Variants in SMU1 observed in about 807,000 individuals in gnomAD.
SMU1 encodes the protein WD40 repeat-containing protein SMU1.
A neutral mutation model predicts 62.0 loss-of-function variants in SMU1; 2 were observed. The observed-to-expected ratio is 0.03, with a 90% CI of 0.01 to 0.10. The LOEUF (loss-of-function observed/expected upper bound fraction) is 0.10, where lower values mean the gene tolerates loss of function less well. Among genes scored for constraint, SMU1 ranks in the 10% least tolerant of loss-of-function variants. The pLI is 1.00. For missense variants in SMU1, 227 were observed against 622.1 expected (o/e 0.36, Z 6.76); for synonymous variants, 188 against 212.4 (o/e 0.89, Z 1.00).
At chr9:33,049,166 A>T (rs1391061287) in intron 10 of SMU1, among the ~76,000 whole-genome samples, 1 of 152,196 alleles carries the variant, frequency 6.6e-6, no homozygotes, top group African/African-American at 2.4e-5. Flanking sequence ...TAGCGAACTC[A>T]ATGTTGAAAG....
rs368135233 is a variant in SMU1 at position 33,071,880 on chromosome 9, A to G, written c.250T>C (p.Leu84=). 1 of 1,564,856 alleles carries G rather than the reference A, an allele frequency of 6.4e-7. No homozygotes were observed. The highest frequency in any genetic ancestry group is 1.4e-5 in the African/African-American group (1 of 71,752). ...IDLYEQVVLE[L]IELRELGAAR... Reference sequence around the variant, plus strand: ...GCACCCAATTCACGGAGCTCTATCAATTCCAGAACAACCTGGACAATTAAA... The same window carrying G: ...GCACCCAATTCACGGAGCTCTATCAGTTCCAGAACAACCTGGACAATTAAA... Residue 84 remains leucine, a synonymous_variant, in exon 3 of 12, where the codon TTG becomes CTG. Transcript: ENST00000397149.
In SMU1 at chr9:33,064,284, C is replaced by T. The variant is rs111538236; in HGVS notation, c.502-2107G>A. On this transcript the variant is annotated intron_variant, in intron 4 of 11. Transcript: ENST00000397149. ...TATAGGTTTCTTTTCATCTTAAGTT[C>T]CGTTCTCGAGTGATGAAATCTGTTT... Among the ~76,000 whole-genome samples the T allele has an allele frequency of 3.2e-3, 487 of 152,192 alleles. 8 individuals are homozygous for T. Among genetic ancestry groups the T allele is most frequent in the African/African-American group, 0.011 (465 of 41,522 alleles).
rs972590865 is a variant in SMU1 at position 33,047,466 on chromosome 9, G to A, written c.1444-75C>T. The A allele has an allele frequency of 3.3e-6, 4 of 1,228,230 alleles. No homozygotes were observed. The African/African-American group carries it at 4.6e-5, about 14-fold the overall frequency. 76.1% of individuals were successfully genotyped at this position (1,228,230 alleles called of 1,614,324 possible). On this transcript the variant is annotated intron_variant, in intron 11 of 11. Coordinates refer to ENST00000397149, the MANE Select transcript of SMU1 (RefSeq NM_018225.3). ...ACTCTGATGAGGCTTCCAGAGGTGG[G>A]TGGAAGGGAAAAAGAGATCTTGGGA...
intron 10 of SMU1, among the ~76,000 whole-genome samples, chr9:33,052,880 C>T (rs532682605): frequency 2.0e-4 from 30 of 152,234 alleles, no homozygotes; most frequent in Non-Finnish European, 3.7e-4. Context: ...CAGATAGGAG[C>T]TTCCTTTATC....
rs1839182732 is a variant in SMU1 at position 33,046,186 on chromosome 9, T to C, written c.*1107A>G. 6.6e-6 allele frequency: 1 copy of C among 152,248 alleles called. No individual in the cohort carries two copies. The highest frequency in any genetic ancestry group is 1.5e-5 in the Non-Finnish European group (1 of 68,042). 9.4% of individuals were successfully genotyped at this position (152,248 alleles called of 1,614,324 possible). A position where few individuals can be genotyped will look rare whatever the true frequency, so the allele number is the denominator to read the frequency against. On this transcript the variant is annotated 3_prime_UTR_variant, in exon 12 of 12. Transcript: ENST00000397149. ...CTAAATCTCAAGTCCTTTGCTAATTTTTCTTTGGAACAACAGCACATTTTC... is the reference window on the plus strand; with the variant it reads ...CTAAATCTCAAGTCCTTTGCTAATTCTTCTTTGGAACAACAGCACATTTTC...
intron 10 of SMU1, among the ~76,000 whole-genome samples, chr9:33,051,300 G>A (rs890088821): frequency 3.9e-5 from 6 of 152,104 alleles, no homozygotes; most frequent in Non-Finnish European, 7.4e-5. Context: ...AGTGGTTGCC[G>A]GAAGTTAGTG....
intron 3 of SMU1, 102 bp from the exon 4 acceptor site, chr9:33,069,036 T>C (rs1298655213): frequency 1.4e-6 from 2 of 1,412,808 alleles, no homozygotes; most frequent in Non-Finnish European, 1.9e-6. Context: ...GAGGAAAATG[T>C]GAAAAGAAAT....
At chr9:33,060,145 A>G (rs1292604891) in intron 6 of SMU1, among the ~76,000 whole-genome samples, 2 of 152,052 alleles carry the variant, frequency 1.3e-5, no homozygotes, top group Admixed American at 6.5e-5. Context: ...GGCAGCTAAA[A>G]CTATAGGTGC....
At chr9:33,058,501 G>C (rs1839327412) in intron 6 of SMU1, among the ~76,000 whole-genome samples, 1 of 152,078 alleles carries the variant, frequency 6.6e-6, no homozygotes, top group Non-Finnish European at 1.5e-5. Context: ...ATTTTTAGTA[G>C]AGACAAGGTT....
At chr9:33,069,127 A>G (rs1206059857) in intron 3 of SMU1, among the ~76,000 whole-genome samples, 193 bp from the exon 4 acceptor site, 1 of 152,246 alleles carries the variant, frequency 6.6e-6, no homozygotes, top group Non-Finnish European at 1.5e-5. Context: ...GCATTTCAAA[A>G]GTATGAGTTG....
intron 5 of SMU1, among the ~76,000 whole-genome samples, chr9:33,060,820 G>A (rs1403768531): frequency 6.6e-6 from 1 of 152,106 alleles, no homozygotes; most frequent in Non-Finnish European, 1.5e-5. Flanking sequence ...ATGTGAGATT[G>A]ATATTTCCAA....
chr9:33,072,967 G>A (rs113635513), intron 2 of SMU1, among the ~76,000 whole-genome samples: 119 of 152,088 alleles, frequency 7.8e-4, no homozygotes, highest in African/African-American at 2.7e-3. Flanking sequence ...TTTGTCCTAG[G>A]TTCTTGGCTT....
Position 33,073,689 on chromosome 9 carries a change from C to G in SMU1, c.144G>C (p.Val48=), listed in dbSNP as rs919447327. The G allele has an allele frequency of 4.3e-6, 7 of 1,613,842 alleles. No individual in the cohort carries two copies. The Middle Eastern group carries it at 5.0e-4, about 115-fold the overall frequency. ...LNTVDSIESF[V]ADINSGHWDT... is the part of the protein sequence containing the mutation. ...CCCAATGGCCACTGTTAATGTCAGC[C>G]ACAAAACTCTCAATGCTGTCCACAG... is the stretch of plus-strand genomic sequence containing the variant. Residue 48 remains valine, a synonymous_variant, in exon 2 of 12, where the codon GTG becomes GTC. Coordinates refer to ENST00000397149, the MANE Select transcript of SMU1 (RefSeq NM_018225.3).
chr9:33,073,458 C>T (rs1839509487), intron 2 of SMU1, 138 bp downstream of exon 2: 1 of 601,498 alleles, frequency 1.7e-6, no homozygotes, highest in Non-Finnish European at 3.0e-6. Context: ...AGAAAAAATA[C>T]AATGTCAAGC....
chr9:33,065,746 C>T (rs923039111), intron 4 of SMU1, among the ~76,000 whole-genome samples: 4 of 152,238 alleles, frequency 2.6e-5, no homozygotes, highest in Admixed American at 1.3e-4. Context: ...TTAGCTACCA[C>T]GACTTCTCCC....
Position 33,073,819 on chromosome 9 carries a change from A to C in SMU1, c.27-13T>G. On this transcript the variant is annotated splice_polypyrimidine_tract_variant and intron_variant, in intron 1 of 11. Transcript: ENST00000397149. ...AAGGCGGATCACACTGAAAGAAAAC[A>C]AATCGTTCAGCTCAGGGATTCTCAC... 1 of 1,612,470 alleles carries C rather than the reference A, an allele frequency of 6.2e-7. No individual in the cohort carries two copies. Among genetic ancestry groups the C allele is most frequent in the African/African-American group, 1.3e-5 (1 of 75,028 alleles).
At chr9:33,074,040 G>C (rs1349924431) in intron 1 of SMU1, among the ~76,000 whole-genome samples, 4 of 152,242 alleles carry the variant, frequency 2.6e-5, no homozygotes, top group Admixed American at 6.5e-5. Flanking sequence ...CAGCTAGAAA[G>C]GGAGTTGGTG....
rs374806032 is a variant in SMU1, at chr9:33,062,217, C to G, written c.502-40G>C. The G allele has an allele frequency of 1.1e-4, 176 of 1,589,678 alleles. 1 individual carries two copies. In the African/African-American group the frequency reaches 2.3e-3, roughly 21 times the overall value. The stretch of plus-strand genomic sequence containing the variant: ...AAAAATATAGCAATCTGTTCAGGTG[C>G]TTTTAAGATCTGGTCATAAGTGCTC... On this transcript the variant is annotated intron_variant, in intron 4 of 11. Transcript: ENST00000397149.
chr9:33,068,711 C>T, intron 4 of SMU1, 113 bp downstream of exon 4: 1 of 1,240,468 alleles, frequency 8.1e-7, no homozygotes, highest in East Asian at 2.5e-5. Context: ...CACAATGTTG[C>T]TTAGGCTGGT....
Sources: allele counts gnomAD v4.1 joint callset (sites outside exome capture counted in the v4.1 genomes callset), GRCh38; gene constraint gnomAD v4.1.1; transcripts MANE v1.5; gene names NCBI Gene and HGNC (gene_info 2026-07-23, HGNC 2026-07-21).